The following DPP10 variants were observed in gnomAD, a reference collection of about 807,000 sequenced individuals.
DPP10 encodes the protein dipeptidyl peptidase like 10, also known as inactive dipeptidyl peptidase 10.
A neutral mutation model predicts 120.9 loss-of-function variants in DPP10; 33 were observed. The ratio of observed to expected loss-of-function variants is 0.27; its 90% CI spans 0.21 to 0.37. The LOEUF is 0.37. Ranked by LOEUF, DPP10 falls within the 10% of genes least tolerant of loss-of-function variation. The probability of loss-of-function intolerance (pLI) is 1.00; values close to 1 mark genes in which losing one functional copy is unlikely to be tolerated. For missense variants in DPP10, 816 were observed against 942.8 expected (o/e 0.87, Z 1.76); for synonymous variants, 337 against 326.1 (o/e 1.03, Z -0.36).
chr2:115,601,323 G>T (rs894360765), intron 5 of DPP10, among the ~76,000 whole-genome samples: 25 of 152,056 alleles, frequency 1.6e-4, no homozygotes, highest in Non-Finnish European at 2.4e-4. Flanking sequence ...TTTTTTAAGG[G>T]GTTGGTTTCT....
intron 5 of DPP10, among the ~76,000 whole-genome samples, chr2:115,531,506 A>C (rs1034133512): frequency 6.6e-6 from 1 of 152,092 alleles, no homozygotes; most frequent in Non-Finnish European, 1.5e-5. Flanking sequence ...TCCTGGATTT[A>C]ACGTCCAACT....
chr2:114,601,074 G>T (rs1692325765), intron 1 of DPP10, among the ~76,000 whole-genome samples: 1 of 151,846 alleles, frequency 6.6e-6, no homozygotes, highest in Non-Finnish European at 1.5e-5. Flanking sequence ...AAGCCTGTTA[G>T]AAACTTTTTC....
chr2:115,738,793 A>G (rs1312510562), intron 8 of DPP10, among the ~76,000 whole-genome samples: 1 of 152,234 alleles, frequency 6.6e-6, no homozygotes, highest in Non-Finnish European at 1.5e-5. Context: ...GTCTGCTGCT[A>G]TTATTAACTT....
intron 1 of DPP10, among the ~76,000 whole-genome samples, chr2:115,202,944 G>C (rs1559233220): frequency 6.6e-6 from 1 of 151,982 alleles, no homozygotes; most frequent in African/African-American, 2.4e-5. Flanking sequence ...CAAACGTTGA[G>C]AAACAAACAA....
At chr2:115,595,886 T>C (rs1166645686) in intron 5 of DPP10, among the ~76,000 whole-genome samples, 1 of 152,182 alleles carries the variant, frequency 6.6e-6, no homozygotes, top group Non-Finnish European at 1.5e-5. Context: ...TACTTTATTA[T>C]ATGCTTTGTA....
intron 3 of DPP10, among the ~76,000 whole-genome samples, chr2:115,345,135 C>T (rs1478897552): frequency 6.6e-6 from 1 of 152,160 alleles, no homozygotes; most frequent in African/African-American, 2.4e-5. Context: ...TGTGCAGTCT[C>T]ATTTTCACAT....
chr2:115,636,405 A>G (rs2086336258), intron 5 of DPP10, among the ~76,000 whole-genome samples: 1 of 152,174 alleles, frequency 6.6e-6, no homozygotes, highest in Admixed American at 6.5e-5. Context: ...CGTAGGTTGC[A>G]TGTTGTATAA....
At chr2:115,332,992 C>G (rs2062852496) in intron 2 of DPP10, among the ~76,000 whole-genome samples, 1 of 152,054 alleles carries the variant, frequency 6.6e-6, no homozygotes, top group African/African-American at 2.4e-5. Context: ...AACTTTCTGT[C>G]TCGTTGATCT....
chr2:114,694,418 T>G (rs1699948058), intron 1 of DPP10, among the ~76,000 whole-genome samples: 1 of 151,952 alleles, frequency 6.6e-6, no homozygotes, highest in African/African-American at 2.4e-5. Flanking sequence ...CGAAACATAG[T>G]TTTTTGTTTT....
intron 1 of DPP10, among the ~76,000 whole-genome samples, chr2:115,135,502 T>A (rs1186418117): frequency 3.3e-5 from 5 of 152,172 alleles, no homozygotes; most frequent in Non-Finnish European, 7.4e-5. Context: ...GCCTCAGCAT[T>A]ATGAGTGCTG....
chr2:114,918,188 C>A (rs1352257258), intron 1 of DPP10, among the ~76,000 whole-genome samples: 2 of 151,998 alleles, frequency 1.3e-5, no homozygotes, highest in Non-Finnish European at 2.9e-5. Flanking sequence ...GGCCAACAAG[C>A]ATAGGAAAAA....
At chr2:115,103,343 A>G (rs2048794299) in intron 1 of DPP10, among the ~76,000 whole-genome samples, 1 of 151,926 alleles carries the variant, frequency 6.6e-6, no homozygotes, top group Non-Finnish European at 1.5e-5. Flanking sequence ...ACCTGCCACC[A>G]CGCCCGGCTA....
chr2:115,288,590 G>C (rs375830170), intron 1 of DPP10, among the ~76,000 whole-genome samples: 13 of 152,062 alleles, frequency 8.5e-5, no homozygotes, highest in East Asian at 1.9e-4. Context: ...GCCTGGTTGG[G>C]GGGGAGCCTG....
intron 1 of DPP10, chr2:115,162,374 G>T (rs1280256842): frequency 7.4e-7 from 1 of 1,350,552 alleles, no homozygotes; most frequent in African/African-American, 1.5e-5. Context: ...CCCCATTAAC[G>T]CACGCTGAAG....
intron 5 of DPP10, among the ~76,000 whole-genome samples, chr2:115,616,523 T>C (rs1372681293): frequency 6.6e-6 from 1 of 152,128 alleles, no homozygotes; most frequent in Non-Finnish European, 1.5e-5. Flanking sequence ...CATTTCCAAT[T>C]TTGCCAGCAG....
At chr2:115,827,570 G>GTTATTT (rs1201547638) in intron 21 of DPP10, among the ~76,000 whole-genome samples, 18 of 150,452 alleles carry the variant, frequency 1.2e-4, no homozygotes, top group African/African-American at 4.1e-4. Flanking sequence ...TTAAAAGTCA[G>GTTATTT]TTATTTTTAT....
intron 7 of DPP10, among the ~76,000 whole-genome samples, chr2:115,713,165 G>A (rs2092386343): frequency 6.6e-6 from 1 of 152,018 alleles, no homozygotes; most frequent in Non-Finnish European, 1.5e-5. Context: ...AAAGAAATAG[G>A]TAGCAATGAG....
intron 3 of DPP10, among the ~76,000 whole-genome samples, chr2:115,396,326 C>T (rs2067674719): frequency 6.6e-6 from 1 of 152,090 alleles, no homozygotes; most frequent in African/African-American, 2.4e-5. Flanking sequence ...TCTTGAAATC[C>T]GTAAATACTG....
At chr2:115,082,752 C>T (rs950025770) in intron 1 of DPP10, among the ~76,000 whole-genome samples, 13 of 152,168 alleles carry the variant, frequency 8.5e-5, no homozygotes, top group East Asian at 5.8e-4. Context: ...TGAGCAATCT[C>T]TCTTTAGATC....
Sources: gnomAD v4.1 joint callset for allele counts (sites outside exome capture counted in the v4.1 genomes callset) on GRCh38, gnomAD v4.1.1 for gene constraint, MANE v1.5 for transcripts, NCBI Gene and HGNC (gene_info 2026-07-23, HGNC 2026-07-21) for gene names.